CDH20: variants seen among roughly 807,000 people sequenced by gnomAD.
The protein encoded by CDH20 is cadherin 20.
In CDH20, 29 loss-of-function variants were observed where a neutral mutation model predicts 74.2. That is an observed-to-expected ratio of 0.39 (90% CI 0.29 to 0.53). CDH20 has a LOEUF of 0.53. Among genes scored for constraint, CDH20 ranks in the 20% least tolerant of loss-of-function variants. The probability of loss-of-function intolerance (pLI) is 0.69; values close to 1 mark genes in which losing one functional copy is unlikely to be tolerated. For synonymous variants in CDH20, 469 were observed against 405.4 expected (o/e 1.16, Z -1.88); for missense variants, 988 against 1,048.3 (o/e 0.94, Z 0.79).
intron 2 of CDH20, among the ~76,000 whole-genome samples, chr18:61,494,325 A>C (rs1911058589): frequency 6.6e-6 from 1 of 152,092 alleles, no homozygotes; most frequent in African/African-American, 2.4e-5. Flanking sequence ...TTGATCTCTC[A>C]TGCTGGGTAG....
At chr18:61,535,006 ATTAC>A (rs1269197164) in intron 7 of CDH20, among the ~76,000 whole-genome samples, 2 of 152,108 alleles carry the variant, frequency 1.3e-5, no homozygotes, top group Admixed American at 1.3e-4. Flanking sequence ...ATATATAATT[ATTAC>A]TTGTCAATTA....
intron 1 of CDH20, among the ~76,000 whole-genome samples, chr18:61,447,425 G>A (rs943716924): frequency 1.3e-5 from 2 of 152,190 alleles, no homozygotes; most frequent in African/African-American, 2.4e-5. Context: ...CTTAACATGT[G>A]TGGTAAGGGT....
At chr18:61,538,958 A>G in intron 8 of CDH20, 66 bp from the exon 9 acceptor site, 1 of 1,486,580 alleles carries the variant, frequency 6.7e-7, no homozygotes, top group Non-Finnish European at 9.0e-7. Flanking sequence ...AGCAAAAACC[A>G]TTACTCTTTT....
At chr18:61,484,189 G>A (rs1302036457) in intron 1 of CDH20, among the ~76,000 whole-genome samples, 1 of 152,186 alleles carries the variant, frequency 6.6e-6, no homozygotes, top group Non-Finnish European at 1.5e-5. Flanking sequence ...TAAAGAATGA[G>A]CACAGATTTA....
chr18:61,334,123 G>C (rs1275481523), intron 1 of CDH20: 1 of 152,340 alleles, frequency 6.6e-6, no homozygotes, highest in Non-Finnish European at 1.5e-5. Flanking sequence ...GCTGGGAGCG[G>C]GGACTGCGCG....
chr18:61,533,123 CTT>C (rs1912704268), intron 7 of CDH20, among the ~76,000 whole-genome samples: 1 of 152,056 alleles, frequency 6.6e-6, no homozygotes, highest in Non-Finnish European at 1.5e-5. Flanking sequence ...GTTTAAAAGA[CTT>C]TGTCTTTTAA....
At chr18:61,503,729 A>C (rs1358509566) in intron 5 of CDH20, among the ~76,000 whole-genome samples, 7 of 152,228 alleles carry the variant, frequency 4.6e-5, no homozygotes, top group Admixed American at 3.3e-4. Context: ...CATCCTACAC[A>C]CAAGAAAAAT....
chr18:61,346,815 T>C (rs1353477531), intron 1 of CDH20, among the ~76,000 whole-genome samples: 2 of 152,138 alleles, frequency 1.3e-5, no homozygotes, highest in African/African-American at 4.8e-5. Flanking sequence ...AAGCCCTGGA[T>C]CTAGCAATTT....
intron 11 of CDH20, among the ~76,000 whole-genome samples, chr18:61,552,846 G>A (rs1366222365): frequency 6.6e-6 from 1 of 152,084 alleles, no homozygotes; most frequent in Non-Finnish European, 1.5e-5. Context: ...CGAATCTCAC[G>A]TCTCCAACCT....
chr18:61,339,680 A>ATTTTTTTTT (rs1409439826), intron 1 of CDH20, among the ~76,000 whole-genome samples: 35 of 101,554 alleles, frequency 3.4e-4, no homozygotes, highest in Non-Finnish European at 6.2e-4. Flanking sequence ...TGGTCATAGA[A>ATTTTTTTTT]ATTTTTTTTT....
At chr18:61,548,633 G>A (rs1340581742) in intron 10 of CDH20, among the ~76,000 whole-genome samples, 2 of 152,244 alleles carry the variant, frequency 1.3e-5, no homozygotes, top group Non-Finnish European at 2.9e-5. Flanking sequence ...CAGTGGCTTA[G>A]CACAACTACA....
chr18:61,449,821 G>C (rs559361804), intron 1 of CDH20, among the ~76,000 whole-genome samples: 127 of 151,788 alleles, frequency 8.4e-4, no homozygotes, highest in African/African-American at 3.0e-3. Flanking sequence ...GAACAGGGAG[G>C]GGGTATTTTC....
At chr18:61,335,138 C>T (rs1398505079) in intron 1 of CDH20, among the ~76,000 whole-genome samples, 1 of 152,168 alleles carries the variant, frequency 6.6e-6, no homozygotes, top group African/African-American at 2.4e-5. Flanking sequence ...TCCTCAGCCG[C>T]CTCTGGCTGG....
At chr18:61,481,566 G>A (rs1389553397) in intron 1 of CDH20, among the ~76,000 whole-genome samples, 2 of 152,152 alleles carry the variant, frequency 1.3e-5, no homozygotes, top group South Asian at 2.1e-4. Flanking sequence ...ATAAACATCA[G>A]TGAGATTTTT....
intron 1 of CDH20, among the ~76,000 whole-genome samples, chr18:61,376,091 G>GTTAT (rs903698619): frequency 6.6e-6 from 1 of 151,914 alleles, no homozygotes; most frequent in Non-Finnish European, 1.5e-5. Context: ...TCTCAGAAAG[G>GTTAT]TTATTTATTC....
In CDH20 at chr18:61,482,649, CTT is replaced by C. The variant is rs10718967; in HGVS notation, c.-152-7745_-152-7744del. On this transcript the variant is annotated intron_variant, in intron 1 of 11. Transcript: ENST00000262717. ...ATATATTAGTATCATATTAACTTTA[CTT>C]TTTTTTTACATATATATATTTTAAA... Among the ~76,000 whole-genome samples the C allele has an allele frequency of 5.9e-5, 9 of 151,762 alleles. No individual in the cohort carries two copies. The South Asian group carries it at 8.3e-4, about 14-fold the overall frequency.
At chr18:61,463,743 G>A (rs868787852) in intron 1 of CDH20, among the ~76,000 whole-genome samples, 5 of 152,070 alleles carry the variant, frequency 3.3e-5, no homozygotes, top group South Asian at 2.1e-4. Flanking sequence ...AGGTAGGTTC[G>A]GTCAACTCCC....
In CDH20 at chr18:61,554,471, G is replaced by C; in HGVS notation, c.2182G>C (p.Ala728Pro). The part of the protein sequence containing the change: ...VNSTVHSYVL[A>P]KLYEADMDLW... ...CAGCACTGTCCACAGCTACGTGCTGGCCAAGCTCTACGAGGCCGACATGGA... is the reference window on the plus strand; with the variant it reads ...CAGCACTGTCCACAGCTACGTGCTGCCCAAGCTCTACGAGGCCGACATGGA... The change falls in exon 12 of 12, where the codon GCC (alanine) becomes CCC (proline). Residue 728 changes from alanine to proline, a missense_variant. Physicochemically the swap from Ala to Pro is conservative, Grantham distance 27. Transcript: ENST00000262717. The C allele has an allele frequency of 6.2e-7, 1 of 1,613,092 alleles. No homozygotes were observed. The highest frequency in any genetic ancestry group is 8.5e-7 in the Non-Finnish European group (1 of 1,179,818).
intron 1 of CDH20, among the ~76,000 whole-genome samples, chr18:61,483,367 CCGG>C (rs1910655084): frequency 6.6e-6 from 1 of 152,162 alleles, no homozygotes; most frequent in Non-Finnish European, 1.5e-5. Context: ...TTGAGAGGCT[CCGG>C]TGAAAGGTGA....
Sources: allele counts gnomAD v4.1 joint callset (sites outside exome capture counted in the v4.1 genomes callset), GRCh38; gene constraint gnomAD v4.1.1; transcripts MANE v1.5; gene names NCBI Gene and HGNC (gene_info 2026-07-23, HGNC 2026-07-21).